MYCBP2: variants seen among roughly 807,000 people sequenced by gnomAD.
MYCBP2 encodes E3 ubiquitin-protein ligase MYCBP2.
MYCBP2 carries 120 observed loss-of-function variants against 525.3 expected under a neutral mutation model. That is an observed-to-expected ratio of 0.23 (90% CI 0.20 to 0.27). The LOEUF (loss-of-function observed/expected upper bound fraction) is 0.27, where lower values mean the gene tolerates loss of function less well. MYCBP2 is among the 10% of genes least tolerant of loss of function. MYCBP2 has a pLI of 1.00. For missense variants in MYCBP2, 4,149 were observed against 5,657.1 expected (o/e 0.73, Z 8.55); for synonymous variants, 1,894 against 1,955.8 (o/e 0.97, Z 0.83).
chr13:77,078,467 G>A (rs937456136), intron 66 of MYCBP2, among the ~76,000 whole-genome samples: 1 of 152,130 alleles, frequency 6.6e-6, no homozygotes, highest in Non-Finnish European at 1.5e-5. Context: ...TCAGGCCAGA[G>A]GACAATAACC....
chr13:77,222,862 A>C (rs548563651), intron 20 of MYCBP2, among the ~76,000 whole-genome samples: 2 of 152,324 alleles, frequency 1.3e-5, no homozygotes, highest in East Asian at 3.9e-4. Context: ...TGACTATGTG[A>C]AGGTAAGTTC....
At position 77,125,413 on chromosome 13, in the gene MYCBP2, A is replaced by G; in HGVS notation, c.7940T>C (p.Phe2647Ser). Residue 2647 changes from phenylalanine to serine, a missense_variant, in exon 54 of 83, where the codon TTC (phenylalanine) becomes TCC (serine). By Grantham distance (155) the Phe-to-Ser change is radical (BLOSUM62 -2). Transcript: ENST00000544440. ...TGCCTCTCCTTCATCACTCTCACAGAACTCTACCATGCTGTTCTGATCCAG... is the reference window on the plus strand; with the variant it reads ...TGCCTCTCCTTCATCACTCTCACAGGACTCTACCATGCTGTTCTGATCCAG... The part of the protein sequence containing the change: ...VQLDQNSMVE[F>S]CESDEGEAWS... The G allele has an allele frequency of 6.2e-7, 1 of 1,614,012 alleles. No individual in the cohort carries two copies. The highest frequency in any genetic ancestry group is 8.5e-7 in the Non-Finnish European group (1 of 1,179,884).
chr13:77,326,528 GC>G lies in MYCBP2; in HGVS notation c.247del (p.Ala83LeufsTer24). The G allele has an allele frequency of 6.3e-7, 1 of 1,599,942 alleles. No individual in the cohort carries two copies. The highest frequency in any genetic ancestry group is 8.5e-7 in the Non-Finnish European group (1 of 1,173,566). On this transcript the variant is annotated frameshift_variant, in exon 1 of 83. Coordinates refer to ENST00000544440, the MANE Select transcript of MYCBP2 (RefSeq NM_015057.5). LOFTEE classifies it high-confidence loss of function. The surrounding 1 kb of genome is among the most constrained non-coding windows in gnomAD (Gnocchi z 4.2). ...CCCCTGGTCCCTGTCATTGAGCGCA[GC>G]GGTATAAATCCTCCGGTAGCGGTCG... is the stretch of plus-strand genomic sequence containing the variant. ...LADRYRRIYTAALNDRDQGGG... is the reference protein window; with the variant it reads ...LADRYRRIYTXALNDRDQGGG...
Position 77,200,567 on chromosome 13 carries a change from A to G in MYCBP2, c.3843+4689T>C, listed in dbSNP as rs575160162. Among the ~76,000 whole-genome samples, 225 of 152,278 alleles carry G rather than the reference A, an allele frequency of 1.5e-3. 2 individuals are homozygous for G. Among genetic ancestry groups the G allele is most frequent in the Non-Finnish European group, 1.3e-4 (9 of 68,024 alleles). On this transcript the variant is annotated intron_variant, in intron 26 of 82. Transcript: ENST00000544440. ...CGCCACAAAGATACTCCTTGAGAAG[A>G]GCAACTCCAAGGCACATAATTGTCA...
intron 36 of MYCBP2, among the ~76,000 whole-genome samples, chr13:77,174,918 ATTATATATATATAATATATATATATTT>A (rs2059506289): frequency 8.7e-6 from 1 of 114,314 alleles, no homozygotes; most frequent in Non-Finnish European, 1.6e-5. Flanking sequence ...TATAATATAT[ATTATATATATATAATATATATATATTT>A]TATATATTAT....
At chr13:77,269,439 C>A (rs1333188918) in intron 7 of MYCBP2, among the ~76,000 whole-genome samples, 1 of 152,058 alleles carries the variant, frequency 6.6e-6, no homozygotes, top group African/African-American at 2.4e-5. Context: ...GGTTTGAGAC[C>A]AACCTGGCCA....
intron 26 of MYCBP2, among the ~76,000 whole-genome samples, chr13:77,196,106 T>C (rs2061729993): frequency 6.6e-6 from 1 of 152,146 alleles, no homozygotes; most frequent in African/African-American, 2.4e-5. Context: ...CTGAAGGTGA[T>C]GGGGAAGTGG....
In MYCBP2 at chr13:77,288,186, T is replaced by A; in HGVS notation, c.569A>T (p.Lys190Ile). ...ESDSDEEEES[K>I]EPPIKLPKII... is the part of the protein sequence containing the mutation. ...CTTTGGAAGCTTGATAGGGGGCTCT[T>A]TGGATTCCTCTTCTTCATCACTATC... The change falls in exon 3 of 83, where the codon AAA becomes ATA. Residue 190 changes from lysine (K) to isoleucine (I), a missense_variant. Around this residue, in one of 21 missense-constraint regions of MYCBP2, gnomAD observed 413 missense variants for 451.2 expected, o/e 0.92. Coordinates refer to ENST00000544440, the MANE Select transcript of MYCBP2 (RefSeq NM_015057.5). The A allele has an allele frequency of 3.7e-6, 6 of 1,614,166 alleles. No individual in the cohort carries two copies. Among genetic ancestry groups the A allele is most frequent in the Non-Finnish European group, 5.1e-6 (6 of 1,180,014 alleles).
At chr13:77,054,912 A>C (rs1307943714) in intron 80 of MYCBP2, among the ~76,000 whole-genome samples, 1 of 152,092 alleles carries the variant, frequency 6.6e-6, no homozygotes, top group Non-Finnish European at 1.5e-5. Flanking sequence ...AGATTGATGA[A>C]TATAATACCT....
At chr13:77,265,628 A>G (rs1461211506) in intron 8 of MYCBP2, among the ~76,000 whole-genome samples, 6 of 152,192 alleles carry the variant, frequency 3.9e-5, no homozygotes, top group Non-Finnish European at 7.4e-5. Flanking sequence ...GAAACATGGT[A>G]TTCATTACCA....
chr13:77,183,357 G>C (rs2060396350), intron 32 of MYCBP2, among the ~76,000 whole-genome samples: 1 of 152,064 alleles, frequency 6.6e-6, no homozygotes, highest in East Asian at 1.9e-4. Flanking sequence ...ACAATATTTG[G>C]ACTTGAAATT....
chr13:77,150,630 C>T lies in MYCBP2; in HGVS notation c.7131+104G>A, dbSNP rs1482392413. ...CTGCAAATTTAATATCCATCAAATGCTCTTTGGACTTACAATTTCATGTCT... is the reference window on the plus strand; with the variant it reads ...CTGCAAATTTAATATCCATCAAATGTTCTTTGGACTTACAATTTCATGTCT... On this transcript the variant is annotated intron_variant, in intron 47 of 82. Coordinates refer to ENST00000544440, the MANE Select transcript of MYCBP2 (RefSeq NM_015057.5). 4.6e-6 allele frequency: 4 copies of T among 864,506 alleles called. No homozygotes were observed. In the Admixed American group the frequency reaches 6.5e-5, roughly 14 times the overall value. 53.6% of individuals were successfully genotyped at this position (864,506 alleles called of 1,614,324 possible). A position where few individuals can be genotyped will look rare whatever the true frequency, so the allele number is the denominator to read the frequency against.
intron 27 of MYCBP2, among the ~76,000 whole-genome samples, chr13:77,193,438 A>G (rs984443876): frequency 3.3e-5 from 5 of 152,134 alleles, no homozygotes; most frequent in Non-Finnish European, 5.9e-5. Context: ...AAGAAAACCT[A>G]CAAGGTTTTC....
intron 55 of MYCBP2, among the ~76,000 whole-genome samples, chr13:77,114,831 C>T (rs2049439978): frequency 6.6e-6 from 1 of 151,854 alleles, no homozygotes; most frequent in South Asian, 2.1e-4. Context: ...GTTTTATTTG[C>T]CATTTTTCTA....
chr13:77,224,075 A>T (rs1225268168), intron 20 of MYCBP2, among the ~76,000 whole-genome samples: 1 of 152,256 alleles, frequency 6.6e-6, no homozygotes, highest in Non-Finnish European at 1.5e-5. Flanking sequence ...CAAAACAGAC[A>T]TCAGGAATAT....
intron 62 of MYCBP2, among the ~76,000 whole-genome samples, chr13:77,084,812 A>T (rs751404515): frequency 4.6e-5 from 7 of 151,966 alleles, no homozygotes; most frequent in Non-Finnish European, 8.8e-5. Context: ...GACCCTAGGG[A>T]TATTTTTATG....
At position 77,301,422 on chromosome 13, in the gene MYCBP2, C is replaced by CAA. The variant is rs11338423; in HGVS notation, c.303-4750_303-4749dup. On this transcript the variant is annotated intron_variant, in intron 1 of 82. Transcript: ENST00000544440. ...TGGGCTACAGAGCAAGACTCCATCTCAAAAAAAAAAAAAAAAAAAAAAAAA... is the reference window on the plus strand; with the variant it reads ...TGGGCTACAGAGCAAGACTCCATCTCAAAAAAAAAAAAAAAAAAAAAAAAAAA... Among the ~76,000 whole-genome samples the CAA allele has an allele frequency of 5.0e-3, 202 of 40,502 alleles. 14 individuals carry two copies. Among genetic ancestry groups the CAA allele is most frequent in the African/African-American group, 0.017 (188 of 11,232 alleles). 26.6% of individuals were successfully genotyped at this position (40,502 alleles called of 152,430 possible).
intron 10 of MYCBP2, among the ~76,000 whole-genome samples, chr13:77,263,223 T>A (rs2073592515): frequency 6.6e-6 from 1 of 151,990 alleles, no homozygotes; most frequent in South Asian, 2.1e-4. Context: ...ACCTTGAAAA[T>A]CTATTCAAGT....
At chr13:77,143,102 TAAAGA>T (rs1209066682) in intron 49 of MYCBP2, among the ~76,000 whole-genome samples, 4 of 152,194 alleles carry the variant, frequency 2.6e-5, no homozygotes, top group East Asian at 3.8e-4. Context: ...AGTTTAAAAG[TAAAGA>T]AAAGATTAAT....
Sources: allele counts gnomAD v4.1 joint callset (sites outside exome capture counted in the v4.1 genomes callset), GRCh38; gene constraint gnomAD v4.1.1; regional missense constraint gnomAD v4.1.1; non-coding constraint Gnocchi (gnomAD v3.1); transcripts MANE v1.5; gene names NCBI Gene and HGNC (gene_info 2026-07-23, HGNC 2026-07-21).